GLG1: variants seen among roughly 807,000 people sequenced by gnomAD.
GLG1 encodes Golgi apparatus protein 1.
In GLG1, 38 loss-of-function variants were observed where a neutral mutation model predicts 160.5. The observed-to-expected ratio is 0.24, with a 90% CI of 0.18 to 0.31. The LOEUF is 0.31. Among genes scored for constraint, GLG1 ranks in the 10% least tolerant of loss-of-function variants. GLG1 has a pLI of 1.00. For synonymous variants in GLG1, 644 were observed against 543.4 expected, an observed-to-expected ratio of 1.19 and a Z score of -2.57; for missense variants, 1,373 against 1,505.2, an observed-to-expected ratio of 0.91 and a Z score of 1.45.
intron 2 of GLG1, among the ~76,000 whole-genome samples, chr16:74,531,177 G>T (rs3973385): frequency 7.7e-4 from 117 of 151,876 alleles, no homozygotes; most frequent in African/African-American, 1.9e-3. Flanking sequence ...CTAGGTTTTC[G>T]TAAGAGTAAG....
rs893939444 is a variant in GLG1, at chr16:74,450,786, T to C, written c.*2381A>G. The C allele has an allele frequency of 6.6e-6, 1 of 150,746 alleles. No homozygotes were observed. Among genetic ancestry groups the C allele is most frequent in the Non-Finnish European group, 1.5e-5 (1 of 67,900 alleles). The allele number at this position is 150,746 out of a possible 1,614,324, so 9.3% of individuals were successfully genotyped here. ...TTGCTTGAACCCAGGAGGTGGAGGTTGCAGGGAGCTGAGATCGCGCCACTG... is the reference window on the plus strand; with the variant it reads ...TTGCTTGAACCCAGGAGGTGGAGGTCGCAGGGAGCTGAGATCGCGCCACTG... On this transcript the variant is annotated 3_prime_UTR_variant, in exon 26 of 26. Transcript: ENST00000422840.
intron 7 of GLG1, 54 bp downstream of exon 7, chr16:74,492,903 T>A: frequency 1.8e-6 from 2 of 1,089,666 alleles, no homozygotes; most frequent in Non-Finnish European, 2.6e-6. Flanking sequence ...AGCTTTAGAG[T>A]GTGAATCCAA....
intron 1 of GLG1, among the ~76,000 whole-genome samples, chr16:74,537,315 G>C (rs2017712379): frequency 6.6e-6 from 1 of 152,076 alleles, no homozygotes; most frequent in African/African-American, 2.4e-5. Context: ...ACACCTGCTT[G>C]ACTTCAATAA....
At chr16:74,578,470 T>C (rs1013598833) in intron 1 of GLG1, among the ~76,000 whole-genome samples, 2 of 152,306 alleles carry the variant, frequency 1.3e-5, no homozygotes, top group South Asian at 4.1e-4. Context: ...TAATGTCTAA[T>C]TTTTTTAAAA....
intron 1 of GLG1, among the ~76,000 whole-genome samples, chr16:74,555,445 G>T (rs2018325434): frequency 2.0e-5 from 3 of 152,168 alleles, no homozygotes; most frequent in African/African-American, 2.4e-5. Flanking sequence ...CCAGCATTTT[G>T]GGAGGCTGAG....
At chr16:74,456,424 C>T (rs575956063) in intron 25 of GLG1, 53 of 475,984 alleles carry the variant, frequency 1.1e-4, no homozygotes, top group South Asian at 1.0e-3. Flanking sequence ...CCTCCCAAAA[C>T]GCTGAGATTA....
chr16:74,596,713 G>A (rs1262880328), intron 1 of GLG1, among the ~76,000 whole-genome samples: 1 of 152,206 alleles, frequency 6.6e-6, no homozygotes, highest in East Asian at 1.9e-4. Flanking sequence ...TAGGGACAGG[G>A]GGGAAAATGA....
chr16:74,468,040 T>C (rs2015062820), intron 17 of GLG1, 192 bp from the exon 18 acceptor site: 1 of 518,962 alleles, frequency 1.9e-6, no homozygotes, highest in Admixed American at 3.7e-5. Flanking sequence ...TTGGACCTTC[T>C]TTGCAAAACA....
chr16:74,575,775 A>G (rs1479172696), intron 1 of GLG1, among the ~76,000 whole-genome samples: 1 of 152,200 alleles, frequency 6.6e-6, no homozygotes, highest in African/African-American at 2.4e-5. Context: ...CAATGAGAAA[A>G]TATTGATTTC....
intron 1 of GLG1, among the ~76,000 whole-genome samples, chr16:74,542,757 GGAA>G (rs2017927583): frequency 1.4e-4 from 8 of 56,132 alleles, no homozygotes; most frequent in Non-Finnish European, 2.4e-4. Flanking sequence ...AAGGAAGGAA[GGAA>G]GGAAGGAAGG....
At chr16:74,579,892 G>T (rs989796018) in intron 1 of GLG1, among the ~76,000 whole-genome samples, 2 of 150,796 alleles carry the variant, frequency 1.3e-5, no homozygotes, top group Non-Finnish European at 3.0e-5. Flanking sequence ...GTGAAACCCC[G>T]TCTCTACTAA....
At chr16:74,522,866 G>A (rs2017213897) in intron 2 of GLG1, among the ~76,000 whole-genome samples, 1 of 152,072 alleles carries the variant, frequency 6.6e-6, no homozygotes, top group Admixed American at 6.5e-5. Context: ...CATATTTTTT[G>A]TAGAGACAGA....
At chr16:74,524,884 T>A (rs2017287735) in intron 2 of GLG1, among the ~76,000 whole-genome samples, 3 of 152,182 alleles carry the variant, frequency 2.0e-5, no homozygotes. Flanking sequence ...CTTCTCTGAG[T>A]TCCTGGAAAC....
intron 1 of GLG1, among the ~76,000 whole-genome samples, chr16:74,582,901 T>C (rs1172912802): frequency 6.6e-6 from 1 of 152,024 alleles, no homozygotes; most frequent in Non-Finnish European, 1.5e-5. Flanking sequence ...GAAGGTATTC[T>C]ATCTCTTTTA....
chr16:74,497,325 C>T (rs1050126817), intron 4 of GLG1, among the ~76,000 whole-genome samples: 6 of 150,394 alleles, frequency 4.0e-5, no homozygotes, highest in Non-Finnish European at 7.4e-5. Context: ...CAAAAAACCA[C>T]ATCGGCTCAA....
chr16:74,468,226 C>CTTT (rs201829157), intron 17 of GLG1: 1,638 of 83,286 alleles, frequency 0.02, 336 homozygotes, highest in African/African-American at 0.033. Context: ...CTTGAAATGT[C>CTTT]TTTTTTTTTT....
At chr16:74,493,249 C>T (rs2016068491) in intron 6 of GLG1, 109 bp from the exon 7 acceptor site, 2 of 639,014 alleles carry the variant, frequency 3.1e-6, no homozygotes, top group Admixed American at 5.6e-5. Context: ...TCAACAACTG[C>T]AGTTATTACC....
At chr16:74,497,417 C>T (rs539043628) in intron 4 of GLG1, among the ~76,000 whole-genome samples, 1 of 150,806 alleles carries the variant, frequency 6.6e-6, no homozygotes, top group Admixed American at 6.6e-5. Flanking sequence ...CAGGCATTTC[C>T]CAAATAACAG....
chr16:74,590,531 G>C (rs936244016), intron 1 of GLG1, among the ~76,000 whole-genome samples: 2 of 149,676 alleles, frequency 1.3e-5, no homozygotes, highest in Non-Finnish European at 3.0e-5. Flanking sequence ...TGAGGCAGGA[G>C]AATGGCGTGA....
Sources: allele counts gnomAD v4.1 joint callset (sites outside exome capture counted in the v4.1 genomes callset), GRCh38; gene constraint gnomAD v4.1.1; transcripts MANE v1.5; gene names NCBI Gene and HGNC (gene_info 2026-07-23, HGNC 2026-07-21).